Variants in PLCE1 observed in about 807,000 individuals in gnomAD.
The protein encoded by PLCE1 is 1-phosphatidylinositol 4,5-bisphosphate phosphodiesterase epsilon-1.
In PLCE1, 119 loss-of-function variants were observed where a neutral mutation model predicts 242.8. The observed-to-expected ratio is 0.49, with a 90% CI of 0.42 to 0.57. The LOEUF (loss-of-function observed/expected upper bound fraction) is 0.57, where lower values mean the gene tolerates loss of function less well. PLCE1 is among the 20% of genes least tolerant of loss of function. The pLI is 0.00. For missense variants in PLCE1, 2,441 were observed against 2,788.8 expected (o/e 0.88, Z 2.81); for synonymous variants, 945 against 1,017.4 (o/e 0.93, Z 1.35).
Position 94,132,323 on chromosome 10 carries a change from G to GT in PLCE1, c.1357dup (p.Tyr453LeufsTer115). ...AATGTGTCCGAGACACTGTATGTGA[G>GT]TATCGCGCCACCCTCCAAAGGACTT... On this transcript the variant is annotated frameshift_variant, in exon 3 of 33. Transcript: ENST00000371380. LOFTEE classifies it high-confidence loss of function. 1 of 1,613,994 alleles carries GT rather than the reference G, an allele frequency of 6.2e-7. No individual in the cohort carries two copies. The highest frequency in any genetic ancestry group is 8.5e-7 in the Non-Finnish European group (1 of 1,179,996).
rs1036743547 is a variant in PLCE1, at chr10:94,296,642, T to C, written c.5168-1737T>C. On this transcript the variant is annotated intron_variant, in intron 23 of 32. Transcript: ENST00000371380. ...TTGGCTTAAAATATGTTGTGGCTGG[T>C]TTAATCTTCTATCCAGACCACTAAC... 1.8e-3 allele frequency among the ~76,000 whole-genome samples: 277 copies of C among 152,028 alleles called. 1 individual carries two copies. Among genetic ancestry groups the C allele is most frequent in the Admixed American group, 3.5e-3 (53 of 15,276 alleles).
rs148641019 is a variant in PLCE1, at chr10:94,119,986, C to T, written c.1207-12188C>T. On this transcript the variant is annotated intron_variant, in intron 2 of 32. Transcript: ENST00000371380. ...GCATTGAATGTCAGTCCAAGCTTCT[C>T]AGAGGATTCCTCTGGATAGGCACCC... Among the ~76,000 whole-genome samples the T allele has an allele frequency of 6.5e-3, 983 of 152,306 alleles. 18 individuals carry two copies. Among genetic ancestry groups the T allele is most frequent in the African/African-American group, 0.022 (906 of 41,558 alleles).
In PLCE1 at chr10:94,322,054, C is replaced by T; in HGVS notation, c.6496C>T (p.Gln2166Ter). ...CGTCAGCACTGCACAGGATGTCATT[C>T]AGCAGGTAAAAGCCTCTCCCTTCCT... ...PRVSTAQDVI[Q>*]QTLCKAKYSY... Residue 2166 changes from glutamine to a stop codon, truncating the protein, a stop_gained, in exon 30 of 33, where the codon CAG (glutamine) becomes TAG (stop). Coordinates refer to ENST00000371380, the MANE Select transcript of PLCE1 (RefSeq NM_016341.4). LOFTEE classifies it high-confidence loss of function. 1 of 1,614,030 alleles carries T rather than the reference C, an allele frequency of 6.2e-7. No homozygotes were observed.
At chr10:94,293,738 T>C (rs751764515) in intron 23 of PLCE1, 99 bp downstream of exon 23, 9 of 1,334,542 alleles carry the variant, frequency 6.7e-6, no homozygotes, top group East Asian at 4.9e-5. Context: ...TTTAATTCTT[T>C]TTCCTGAACA....
At chr10:94,028,219 C>A (rs77924486) in intron 1 of PLCE1, among the ~76,000 whole-genome samples, 3 of 152,144 alleles carry the variant, frequency 2.0e-5, no homozygotes, top group African/African-American at 7.2e-5. Flanking sequence ...GAATTTGGGA[C>A]GAGGCTTATC....
chr10:94,271,532 T>A (rs1267594740), intron 18 of PLCE1, among the ~76,000 whole-genome samples: 1 of 151,810 alleles, frequency 6.6e-6, no homozygotes, highest in Non-Finnish European at 1.5e-5. Flanking sequence ...GCCAGGATGG[T>A]CTCGAACTCC....
chr10:94,294,331 C>A (rs1181751753), intron 23 of PLCE1, among the ~76,000 whole-genome samples: 1 of 152,090 alleles, frequency 6.6e-6, no homozygotes, highest in Non-Finnish European at 1.5e-5. Flanking sequence ...GTTAAAAACT[C>A]AAACAATACA....
At chr10:94,258,517 A>G (rs1359702315) in intron 11 of PLCE1, among the ~76,000 whole-genome samples, 3 of 152,214 alleles carry the variant, frequency 2.0e-5, no homozygotes, top group East Asian at 1.9e-4. Context: ...TTGATCTGCA[A>G]TTTCAAAGAA....
intron 2 of PLCE1, among the ~76,000 whole-genome samples, chr10:94,085,899 C>A (rs2044806199): frequency 6.6e-6 from 1 of 152,170 alleles, no homozygotes; most frequent in Non-Finnish European, 1.5e-5. Context: ...AGTCAATATG[C>A]AGATGTCTAG....
chr10:94,148,188 GTGATTAGAACAC>G (rs1327037143), intron 3 of PLCE1, among the ~76,000 whole-genome samples: 1 of 152,110 alleles, frequency 6.6e-6, no homozygotes, highest in African/African-American at 2.4e-5. Flanking sequence ...TGAATATAAA[GTGATTAGAACAC>G]TGTCCAAAAA....
At chr10:94,042,967 T>G (rs2061797970) in intron 2 of PLCE1, among the ~76,000 whole-genome samples, 1 of 152,200 alleles carries the variant, frequency 6.6e-6, no homozygotes, top group Non-Finnish European at 1.5e-5. Flanking sequence ...CTCTCAGGGT[T>G]CTGACCAACC....
intron 29 of PLCE1, among the ~76,000 whole-genome samples, chr10:94,320,261 C>A (rs2053748208): frequency 1.3e-5 from 2 of 151,890 alleles, no homozygotes; most frequent in South Asian, 4.2e-4. Context: ...CTCTTCCCCC[C>A]CTTCCATTAT....
At chr10:94,019,491 C>T (rs1348052135) in intron 1 of PLCE1, among the ~76,000 whole-genome samples, 2 of 152,184 alleles carry the variant, frequency 1.3e-5, no homozygotes, top group African/African-American at 2.4e-5. Flanking sequence ...CTTCCAGCAG[C>T]AACTGATCCA....
chr10:94,025,071 C>G (rs1323107035), intron 1 of PLCE1, among the ~76,000 whole-genome samples: 1 of 150,058 alleles, frequency 6.7e-6, no homozygotes, highest in Non-Finnish European at 1.5e-5. Flanking sequence ...TTTTTTTTTT[C>G]CTATACATGA....
chr10:94,276,423 C>T (rs7897302), intron 19 of PLCE1, among the ~76,000 whole-genome samples: 1,997 of 152,204 alleles, frequency 0.013, 61 homozygotes, highest in African/African-American at 0.046. Flanking sequence ...TAAGAATAAT[C>T]GCTGGAGCAC....
At chr10:94,259,923 C>G (rs2051238580) in intron 13 of PLCE1, among the ~76,000 whole-genome samples, 1 of 152,086 alleles carries the variant, frequency 6.6e-6, no homozygotes, top group South Asian at 2.1e-4. Flanking sequence ...GGAAAAACTC[C>G]CCTTTATAAA....
At chr10:94,114,913 C>T (rs2046073559) in intron 2 of PLCE1, among the ~76,000 whole-genome samples, 1 of 151,790 alleles carries the variant, frequency 6.6e-6, no homozygotes, top group Admixed American at 6.6e-5. Context: ...GCTATCCCTC[C>T]CCCCTTCCCC....
intron 3 of PLCE1, chr10:94,138,135 A>T: frequency 2.6e-6 from 1 of 380,672 alleles, no homozygotes; most frequent in Non-Finnish European, 5.1e-6. Context: ...ATCACCATGA[A>T]CCAGACTGCA....
In PLCE1 at chr10:94,053,662, T is replaced by A. The variant is rs2043826462; in HGVS notation, c.1206+21410T>A. 1.3e-5 allele frequency among the ~76,000 whole-genome samples: 2 copies of A among 152,186 alleles called. 1 individual carries two copies. The highest frequency in any genetic ancestry group is 4.1e-4 in the South Asian group (2 of 4,832). ...TATAGGTGGAGGGCTGGGATCCAGC[T>A]TGCTCCAGAGTGAGGTCTCTGCCTC... On this transcript the variant is annotated intron_variant, in intron 2 of 32. Coordinates refer to ENST00000371380, the MANE Select transcript of PLCE1 (RefSeq NM_016341.4).
Sources: allele counts gnomAD v4.1 joint callset (sites outside exome capture counted in the v4.1 genomes callset), GRCh38; gene constraint gnomAD v4.1.1; transcripts MANE v1.5; gene names NCBI Gene and HGNC (gene_info 2026-07-23, HGNC 2026-07-21).